Variants in ASPM observed in about 807,000 individuals in gnomAD.
ASPM encodes assembly factor for spindle microtubules.
ASPM carries 256 observed loss-of-function variants against 366.4 expected under a neutral mutation model. The observed-to-expected ratio is 0.70, with a 90% CI of 0.63 to 0.77. ASPM has a LOEUF of 0.77. Ranked by LOEUF, ASPM falls within the 30% of genes least tolerant of loss-of-function variation. ASPM has a pLI of 0.00. For synonymous variants in ASPM, 1,414 were observed against 1,342.9 expected, an observed-to-expected ratio of 1.05 and a Z score of -1.16; for missense variants, 4,146 against 4,090.4, an observed-to-expected ratio of 1.01 and a Z score of -0.37.
chr1:197,090,443 T>G (rs1571588680), intron 23 of ASPM, 55 bp from the exon 24 acceptor site: 1 of 1,313,682 alleles, frequency 7.6e-7, no homozygotes, highest in Non-Finnish European at 1.1e-6. Context: ...TTTCTATTTA[T>G]ATCTACATCT....
chr1:197,087,011 A>T, intron 26 of ASPM, 39 bp from the exon 27 acceptor site: 1 of 1,548,556 alleles, frequency 6.5e-7, no homozygotes, highest in East Asian at 2.3e-5. Flanking sequence ...AAGTAATAAG[A>T]ATTAAAATTT....
At chr1:197,117,748 T>C (rs769483123) in intron 17 of ASPM, 41 bp downstream of exon 17, 9 of 1,546,120 alleles carry the variant, frequency 5.8e-6, no homozygotes, top group Non-Finnish European at 7.0e-6. Flanking sequence ...AAAAAGTCAT[T>C]AAAATTTTTT....
At chr1:197,122,693 G>C (rs1227931540) in intron 13 of ASPM, 98 bp from the exon 14 acceptor site, 8 of 1,176,176 alleles carry the variant, frequency 6.8e-6, no homozygotes, top group Non-Finnish European at 9.9e-6. Flanking sequence ...GCAGAGACTG[G>C]AGTGACAAAT....
At chr1:197,118,627 A>G (rs554033231) in intron 16 of ASPM, among the ~76,000 whole-genome samples, 1 of 152,252 alleles carries the variant, frequency 6.6e-6, no homozygotes, top group East Asian at 1.9e-4. Flanking sequence ...TGCTGTAAAT[A>G]ATAACATATT....
At chr1:197,133,190 T>C (rs1489368112) in intron 6 of ASPM, among the ~76,000 whole-genome samples, 160 bp downstream of exon 6, 2 of 152,224 alleles carry the variant, frequency 1.3e-5, no homozygotes, top group Non-Finnish European at 2.9e-5. Flanking sequence ...ATTGTTATAA[T>C]CATTTAATAA....
In ASPM at chr1:197,102,488, CT is replaced by C; in HGVS notation, c.6762del (p.Ala2255LeufsTer5). ...IYIQAIFRGK[K>X]ARRHLKMMHI... ...TGCATCATTTTTAAATGTCTTCTAG[CT>C]TTCTTTCCCCTAAAAATAGCCTGAA... On this transcript the variant is annotated frameshift_variant, in exon 18 of 28. Coordinates refer to ENST00000367409, the MANE Select transcript of ASPM (RefSeq NM_018136.5). LOFTEE classifies it high-confidence loss of function. The C allele has an allele frequency of 6.2e-7, 1 of 1,612,682 alleles. No individual in the cohort carries two copies. The highest frequency in any genetic ancestry group is 8.5e-7 in the Non-Finnish European group (1 of 1,179,284).
intron 22 of ASPM, 59 bp from the exon 23 acceptor site, chr1:197,091,100 T>C (rs1468643902): frequency 1.6e-6 from 2 of 1,280,792 alleles, no homozygotes; most frequent in African/African-American, 1.5e-5. Flanking sequence ...TAAAAAAATA[T>C]ACAAATATAC....
intron 18 of ASPM, among the ~76,000 whole-genome samples, chr1:197,098,832 T>C (rs1184881686): frequency 2.6e-5 from 4 of 151,574 alleles, no homozygotes; most frequent in African/African-American, 9.7e-5. Flanking sequence ...ATGCCCATAA[T>C]GTACAAATCA....
rs541850821 is a variant in ASPM, at chr1:197,099,131, C to G, written c.8820+1300G>C. Reference sequence around the variant, plus strand: ...CACAAACCTACACTGAACTATAACTCTTTCTCACCTGGCTTACTGCCTATT... The same window carrying G: ...CACAAACCTACACTGAACTATAACTGTTTCTCACCTGGCTTACTGCCTATT... On this transcript the variant is annotated intron_variant, in intron 18 of 27. Coordinates refer to ENST00000367409, the MANE Select transcript of ASPM (RefSeq NM_018136.5). Among the ~76,000 whole-genome samples the G allele has an allele frequency of 1.1e-4, 17 of 151,710 alleles. No homozygotes were observed. In the East Asian group the frequency reaches 2.3e-3, roughly 21 times the overall value.
intron 13 of ASPM, among the ~76,000 whole-genome samples, chr1:197,123,090 C>T (rs374088517): frequency 3.0e-4 from 46 of 152,280 alleles, no homozygotes; most frequent in African/African-American, 8.9e-4. Flanking sequence ...TGGCCAACAG[C>T]ATTATAATTC....
Position 197,102,276 on chromosome 1 carries a change from C to T in ASPM, c.6975G>A (p.Trp2325Ter). The stretch of plus-strand genomic sequence containing the variant: ...TCTCTCGCATCCTTTTCCTTATCAT[C>T]CATCTTCTGTATGATGACTGGATTT... ...VIKIQSSYRR[W>*]MIRKRMREMH... The change falls in exon 18 of 28, where the codon TGG becomes TGA. Residue 2325 changes from tryptophan to a stop codon, truncating the protein, a stop_gained. Coordinates refer to ENST00000367409, the MANE Select transcript of ASPM (RefSeq NM_018136.5). LOFTEE classifies it high-confidence loss of function. The T allele has an allele frequency of 1.2e-6, 2 of 1,612,800 alleles. No homozygotes were observed. Among genetic ancestry groups the T allele is most frequent in the South Asian group, 1.1e-5 (1 of 91,054 alleles).
At chr1:197,096,432 A>G (rs561404972) in intron 18 of ASPM, among the ~76,000 whole-genome samples, 1 of 151,904 alleles carries the variant, frequency 6.6e-6, no homozygotes, top group African/African-American at 2.4e-5. Context: ...ACCAGTATTT[A>G]TAAATTGTAA....
intron 17 of ASPM, among the ~76,000 whole-genome samples, chr1:197,117,230 G>A (rs1657762663): frequency 6.6e-6 from 1 of 151,752 alleles, no homozygotes; most frequent in Non-Finnish European, 1.5e-5. Flanking sequence ...TTTAAATAAT[G>A]CACATCTCTC....
At position 197,088,272 on chromosome 1, in the gene ASPM, G is replaced by A; in HGVS notation, c.10145C>T (p.Thr3382Ile). The A allele has an allele frequency of 1.2e-6, 2 of 1,613,102 alleles. No individual in the cohort carries two copies. Residue 3382 changes from threonine to isoleucine, a missense_variant, in exon 26 of 28, where the codon ACA (threonine) becomes ATA (isoleucine). This residue lies in a region of ASPM where 3,624 missense variants were observed against 3,591.7 expected (regional missense o/e 1.01). Coordinates refer to ENST00000367409, the MANE Select transcript of ASPM (RefSeq NM_018136.5). ...TCCLLAILLK[T>I]TNRASDVRSR... ...AATACTTACAGAGGCTCTATTTGTTGTCTTCAGTAAAATAGCCAACAAACA... is the reference window on the plus strand; with the variant it reads ...AATACTTACAGAGGCTCTATTTGTTATCTTCAGTAAAATAGCCAACAAACA...
chr1:197,104,222 T>G lies in ASPM; in HGVS notation c.5029A>C (p.Ser1677Arg), dbSNP rs1431397622. The change falls in exon 18 of 28, where the codon AGC (serine) becomes CGC (arginine). Residue 1677 changes from serine (S) to arginine (R), a missense_variant. Ser to Arg is a moderately radical substitution (Grantham distance 110, BLOSUM62 -1). Transcript: ENST00000367409. ...AATTTTATTGTAGCATTTTTTAGGC[T>G]CAAAAATTCCTTTTTAGAAACATAA... ...RAYVSKKEFL[S>R]LKNATIKLQS... 6.2e-7 allele frequency: 1 copy of G among 1,612,626 alleles called. No homozygotes were observed. Among genetic ancestry groups the G allele is most frequent in the Non-Finnish European group, 8.5e-7 (1 of 1,179,284 alleles).
chr1:197,103,150 A>G lies in ASPM; in HGVS notation c.6101T>C (p.Met2034Thr). 1 of 1,612,744 alleles carries G rather than the reference A, an allele frequency of 6.2e-7. No homozygotes were observed. Among genetic ancestry groups the G allele is most frequent in the Non-Finnish European group, 8.5e-7 (1 of 1,179,342 alleles). Reference sequence around the variant, plus strand: ...ATCCTTTATTCTTTTTCTCACTTTCATACCACGATAAGCTGACTGTAAAGT... The same window carrying G: ...ATCCTTTATTCTTTTTCTCACTTTCGTACCACGATAAGCTGACTGTAAAGT... Reference protein sequence around the residue: ...VVTLQSAYRGMKVRKRIKDCN... With the variant: ...VVTLQSAYRGTKVRKRIKDCN... The change falls in exon 18 of 28, where the codon ATG becomes ACG. Residue 2034 changes from methionine to threonine, a missense_variant. Transcript: ENST00000367409.
Position 197,105,196 on chromosome 1 carries a change from T to C in ASPM, c.4066-11A>G. 9 of 1,588,678 alleles carry C rather than the reference T, an allele frequency of 5.7e-6. No homozygotes were observed. Among genetic ancestry groups the C allele is most frequent in the Non-Finnish European group, 7.8e-6 (9 of 1,158,762 alleles). ...TCTTCTCCAATATCCCTGGAAAAGG[T>C]AAGAAAGGACACAAAGTAAAATAGG... On this transcript the variant is annotated splice_polypyrimidine_tract_variant and intron_variant, in intron 17 of 27. Coordinates refer to ENST00000367409, the MANE Select transcript of ASPM (RefSeq NM_018136.5).
intron 5 of ASPM, among the ~76,000 whole-genome samples, chr1:197,134,211 A>G (rs1202918549): frequency 6.6e-6 from 1 of 151,156 alleles, no homozygotes; most frequent in Non-Finnish European, 1.5e-5. Flanking sequence ...CAACTCTGGC[A>G]ACATAGCAAG....
At chr1:197,139,968 A>G in intron 3 of ASPM, 97 bp from the exon 4 acceptor site, 1 of 815,034 alleles carries the variant, frequency 1.2e-6, no homozygotes, top group Non-Finnish European at 2.1e-6. Flanking sequence ...CTTCACAATC[A>G]TATTCATTTA....
Sources: gnomAD v4.1 joint callset for allele counts (sites outside exome capture counted in the v4.1 genomes callset) on GRCh38, gnomAD v4.1.1 for gene constraint, gnomAD v4.1.1 regional missense constraint, MANE v1.5 for transcripts, NCBI Gene and HGNC (gene_info 2026-07-23, HGNC 2026-07-21) for gene names.